The following ROBO1 variants were observed in gnomAD, a reference collection of about 807,000 sequenced individuals.
The protein encoded by ROBO1 is roundabout homolog 1.
In ROBO1, 149 loss-of-function variants were observed where a neutral mutation model predicts 195.9. The ratio of observed to expected loss-of-function variants is 0.76; its 90% CI spans 0.67 to 0.87. The LOEUF (loss-of-function observed/expected upper bound fraction) is 0.87, where lower values mean the gene tolerates loss of function less well. Among genes scored for constraint, ROBO1 ranks in the 40% least tolerant of loss-of-function variants. The pLI is 0.00. For synonymous variants in ROBO1, 816 were observed against 733.2 expected, an observed-to-expected ratio of 1.11 and a Z score of -1.82; for missense variants, 1,933 against 2,068.3, an observed-to-expected ratio of 0.93 and a Z score of 1.27.
At chr3:79,334,165 C>T (rs370049139) in intron 2 of ROBO1, among the ~76,000 whole-genome samples, 15 of 151,474 alleles carry the variant, frequency 9.9e-5, no homozygotes, top group African/African-American at 3.4e-4. Context: ...ATTAGCCGGG[C>T]GTGGTGGTGC....
At position 78,775,780 on chromosome 3, in the gene ROBO1, G is replaced by T. The variant is rs138000629; in HGVS notation, c.500-28880C>A. ...TTGTGTATAGCAGGCTTACTGTCTGGGAACCATTTTTGGCCTTTGATTGAA... is the reference window on the plus strand; with the variant it reads ...TTGTGTATAGCAGGCTTACTGTCTGTGAACCATTTTTGGCCTTTGATTGAA... On this transcript the variant is annotated intron_variant, in intron 4 of 30. Transcript: ENST00000464233. Among the ~76,000 whole-genome samples the T allele has an allele frequency of 2.9e-3, 437 of 152,254 alleles. 3 individuals are homozygous for T. Among genetic ancestry groups the T allele is most frequent in the African/African-American group, 9.9e-3 (412 of 41,538 alleles).
intron 4 of ROBO1, among the ~76,000 whole-genome samples, chr3:78,932,199 G>A (rs2039570366): frequency 6.6e-6 from 1 of 152,114 alleles, no homozygotes; most frequent in African/African-American, 2.4e-5. Flanking sequence ...TAAGGCTTCA[G>A]AGATAACCAG....
intron 3 of ROBO1, among the ~76,000 whole-genome samples, chr3:78,998,965 A>C (rs1046208957): frequency 6.6e-6 from 1 of 152,088 alleles, no homozygotes; most frequent in African/African-American, 2.4e-5. Flanking sequence ...AAATATGAAA[A>C]AATGCTCCAC....
At chr3:78,996,783 T>C (rs1041594372) in intron 3 of ROBO1, among the ~76,000 whole-genome samples, 5 of 152,040 alleles carry the variant, frequency 3.3e-5, no homozygotes, top group Admixed American at 3.3e-4. Flanking sequence ...CTAAAATAAA[T>C]TGCTACAAAT....
intron 21 of ROBO1, among the ~76,000 whole-genome samples, chr3:78,642,372 G>A (rs1421623031): frequency 6.6e-6 from 1 of 152,166 alleles, no homozygotes; most frequent in Non-Finnish European, 1.5e-5. Context: ...TGCGGAAATG[G>A]TGAAGGAGGC....
chr3:78,999,915 TTAAA>T (rs1176237051), intron 3 of ROBO1, among the ~76,000 whole-genome samples: 4 of 152,162 alleles, frequency 2.6e-5, no homozygotes, highest in Non-Finnish European at 5.9e-5. Context: ...CAAATTTTCT[TTAAA>T]TACTCCTTGA....
intron 2 of ROBO1, among the ~76,000 whole-genome samples, chr3:79,468,576 G>A (rs1019213406): frequency 3.3e-5 from 5 of 152,156 alleles, no homozygotes; most frequent in African/African-American, 1.2e-4. Context: ...AATAGAACTT[G>A]AAACTAGAGA....
intron 2 of ROBO1, among the ~76,000 whole-genome samples, chr3:79,390,354 T>C (rs1300196783): frequency 6.6e-6 from 1 of 151,922 alleles, no homozygotes; most frequent in East Asian, 1.9e-4. Context: ...GTTAGAGATA[T>C]ATCAAAGACA....
At chr3:78,921,629 T>C (rs113705418) in intron 4 of ROBO1, among the ~76,000 whole-genome samples, 1,656 of 152,248 alleles carry the variant, frequency 0.011, 41 homozygotes, top group African/African-American at 0.035. Context: ...TGAGTAACAA[T>C]ACAAATGGGT....
chr3:79,531,152 C>T (rs1021496515), intron 2 of ROBO1, among the ~76,000 whole-genome samples: 3 of 152,068 alleles, frequency 2.0e-5, no homozygotes, highest in Non-Finnish European at 2.9e-5. Context: ...ATGTATCATG[C>T]CTCCATTTGA....
At chr3:78,815,576 G>A (rs1228952975) in intron 4 of ROBO1, among the ~76,000 whole-genome samples, 1 of 151,804 alleles carries the variant, frequency 6.6e-6, no homozygotes, top group Non-Finnish European at 1.5e-5. Context: ...GAAGCTAGCA[G>A]AGGTTGGTTC....
At chr3:78,626,463 C>T (rs770617761) in intron 26 of ROBO1, among the ~76,000 whole-genome samples, 8 of 152,068 alleles carry the variant, frequency 5.3e-5, no homozygotes, top group Non-Finnish European at 1.2e-4. Context: ...CCACAAAAAT[C>T]GCAGTTTGTT....
intron 2 of ROBO1, among the ~76,000 whole-genome samples, chr3:79,199,847 C>T (rs2081728729): frequency 2.0e-5 from 3 of 151,482 alleles, no homozygotes; most frequent in East Asian, 1.9e-4. Context: ...TTTTTTATGG[C>T]GATGGTAAAG....
chr3:79,716,840 G>A lies in ROBO1; in HGVS notation c.-51+50912C>T, dbSNP rs187468864. On this transcript the variant is annotated intron_variant, in intron 1 of 30. Transcript: ENST00000464233. ...CTGAAATCACATGAATTTTAAAAAT[G>A]ATTCGATGACATTTTGTTGATAAGG... Among the ~76,000 whole-genome samples the A allele has an allele frequency of 4.7e-3, 718 of 152,056 alleles. 4 individuals are homozygous for A. The highest frequency in any genetic ancestry group is 8.5e-3 in the Non-Finnish European group (579 of 67,892).
chr3:78,717,398 AC>A lies in ROBO1; in HGVS notation c.793del (p.Val265Ter). The A allele has an allele frequency of 6.2e-7, 1 of 1,613,674 alleles. No individual in the cohort carries two copies. Among genetic ancestry groups the A allele is most frequent in the Non-Finnish European group, 8.5e-7 (1 of 1,179,680 alleles). On this transcript the variant is annotated frameshift_variant, in exon 7 of 31. Transcript: ENST00000464233. LOFTEE classifies it high-confidence loss of function. ...ELTVLERPSF[V>X]KRPSNLAVTV... ...TACTGCCAAGTTACTGGGTCTCTTC[AC>A]AAATGATGGTCTCTCTAAAATTAAA... is the stretch of plus-strand genomic sequence containing the variant.
intron 4 of ROBO1, among the ~76,000 whole-genome samples, chr3:78,878,449 G>T (rs954972757): frequency 6.6e-6 from 1 of 151,878 alleles, no homozygotes; most frequent in African/African-American, 2.4e-5. Context: ...GTCGGGCATG[G>T]TGGTGGGTGC....
chr3:78,941,157 A>G (rs72906151), intron 3 of ROBO1, among the ~76,000 whole-genome samples: 2,780 of 152,298 alleles, frequency 0.018, 97 homozygotes, highest in African/African-American at 0.063. Flanking sequence ...CAAAAATTAT[A>G]ATTTGAAATG....
intron 2 of ROBO1, among the ~76,000 whole-genome samples, chr3:79,461,693 G>C (rs1937645336): frequency 4.6e-5 from 7 of 152,136 alleles, no homozygotes; most frequent in Admixed American, 4.6e-4. Context: ...TTTTAGAGCA[G>C]TTTATTACAC....
chr3:79,422,607 AT>A (rs1015343836), intron 2 of ROBO1, among the ~76,000 whole-genome samples: 2 of 151,920 alleles, frequency 1.3e-5, no homozygotes, highest in Admixed American at 6.6e-5. Context: ...GGAAATAGAG[AT>A]TTTTTTTCTA....
Sources: allele counts gnomAD v4.1 joint callset (sites outside exome capture counted in the v4.1 genomes callset), GRCh38; gene constraint gnomAD v4.1.1; transcripts MANE v1.5; gene names NCBI Gene and HGNC (gene_info 2026-07-23, HGNC 2026-07-21).